Variants in HS3ST5 observed in about 807,000 individuals in gnomAD.
HS3ST5 encodes the protein heparan sulfate glucosamine 3-O-sulfotransferase 5.
HS3ST5 carries 10 observed loss-of-function variants against 25.4 expected under a neutral mutation model. That is an observed-to-expected ratio of 0.39 (90% confidence interval 0.24 to 0.67). HS3ST5 has a LOEUF of 0.67. HS3ST5 is among the 30% of genes least tolerant of loss of function. The pLI is 0.44. For missense variants in HS3ST5, 324 were observed against 420.7 expected (o/e 0.77, Z 2.01); for synonymous variants, 170 against 162.4 (o/e 1.05, Z -0.36).
At chr6:114,217,366 T>C (rs958023814) in intron 2 of HS3ST5, among the ~76,000 whole-genome samples, 2 of 152,202 alleles carry the variant, frequency 1.3e-5, no homozygotes, top group Non-Finnish European at 2.9e-5. Flanking sequence ...TATTAAACAA[T>C]CTCACTTGAA....
At chr6:114,338,936 C>T (rs1776717464) in intron 1 of HS3ST5, among the ~76,000 whole-genome samples, 1 of 151,938 alleles carries the variant, frequency 6.6e-6, no homozygotes, top group Non-Finnish European at 1.5e-5. Flanking sequence ...TTGAGCTCCC[C>T]TCACCAAAAA....
At chr6:114,158,351 T>C (rs777683017) in intron 3 of HS3ST5, among the ~76,000 whole-genome samples, 66 of 152,244 alleles carry the variant, frequency 4.3e-4, no homozygotes, top group Non-Finnish European at 8.8e-4. Flanking sequence ...GAATCTTTAG[T>C]ATCTTAGGCA....
chr6:114,319,903 G>A (rs180880173), intron 1 of HS3ST5, among the ~76,000 whole-genome samples: 5 of 152,064 alleles, frequency 3.3e-5, no homozygotes, highest in South Asian at 4.1e-4. Flanking sequence ...CCAATTGGGC[G>A]TAGAGCCTCA....
At chr6:114,123,283 A>C (rs1776881192) in intron 3 of HS3ST5, among the ~76,000 whole-genome samples, 1 of 152,166 alleles carries the variant, frequency 6.6e-6, no homozygotes, top group Non-Finnish European at 1.5e-5. Flanking sequence ...GCCCAGGCTC[A>C]ACACTCAAAG....
At chr6:114,256,287 C>T (rs1318451954) in intron 1 of HS3ST5, among the ~76,000 whole-genome samples, 1 of 151,542 alleles carries the variant, frequency 6.6e-6, no homozygotes, top group African/African-American at 2.4e-5. Context: ...ACCCGGGAGG[C>T]TGAGGCAGGA....
At chr6:114,068,677 TTTCATCAGAGCA>T (rs1398507272) in intron 3 of HS3ST5, among the ~76,000 whole-genome samples, 7 of 152,252 alleles carry the variant, frequency 4.6e-5, no homozygotes, top group African/African-American at 1.7e-4. Flanking sequence ...TTTAATAATC[TTTCATCAGAGCA>T]GTTATACTGG....
chr6:114,328,278 G>C (rs961518089), intron 1 of HS3ST5, among the ~76,000 whole-genome samples: 1 of 150,586 alleles, frequency 6.6e-6, no homozygotes, highest in Non-Finnish European at 1.5e-5. Flanking sequence ...AGGAAGGAAG[G>C]GTAGCGATAG....
intron 3 of HS3ST5, among the ~76,000 whole-genome samples, chr6:114,106,925 A>T (rs1301117163): frequency 6.6e-6 from 1 of 152,130 alleles, no homozygotes; most frequent in Non-Finnish European, 1.5e-5. Flanking sequence ...CTGATGCTAA[A>T]ATTAGAAGAC....
In HS3ST5 at chr6:114,240,036, C is replaced by CACT. The variant is rs1562249096; in HGVS notation, c.-338-11259_-338-11258insAGT. Among the ~76,000 whole-genome samples the CACT allele has an allele frequency of 2.6e-4, 30 of 114,902 alleles. No individual in the cohort carries two copies. The East Asian group carries it at 6.9e-3, about 26-fold the overall frequency. 75.4% of individuals were successfully genotyped at this position (114,902 alleles called of 152,430 possible). A position where few individuals can be genotyped will look rare whatever the true frequency, so the allele number is the denominator to read the frequency against. Reference sequence around the variant, plus strand: ...CACACACACACACACACACACACACCGCTTACTCTCTATTACACTGGCAAT... The same window carrying CACT: ...CACACACACACACACACACACACACCACTGCTTACTCTCTATTACACTGGCAAT... On this transcript the variant is annotated intron_variant, in intron 1 of 4. Coordinates refer to ENST00000312719, the MANE Select transcript of HS3ST5 (RefSeq NM_153612.4).
At chr6:114,132,305 G>C (rs1450205327) in intron 3 of HS3ST5, 2 of 152,152 alleles carry the variant, frequency 1.3e-5, no homozygotes, top group Non-Finnish European at 2.9e-5. Flanking sequence ...ATCAGCAAAT[G>C]CGATTTTGTT....
At chr6:114,303,459 T>C (rs993308093) in intron 1 of HS3ST5, among the ~76,000 whole-genome samples, 17 of 122,656 alleles carry the variant, frequency 1.4e-4, no homozygotes, top group African/African-American at 5.0e-4. Context: ...ATACTGTGTT[T>C]GCATTTTTTT....
intron 1 of HS3ST5, among the ~76,000 whole-genome samples, chr6:114,243,978 A>T (rs1772263210): frequency 6.6e-6 from 1 of 152,222 alleles, no homozygotes; most frequent in Non-Finnish European, 1.5e-5. Flanking sequence ...TAGGTAGAAT[A>T]GTAGAGGGTA....
At chr6:114,164,648 T>G (rs1266663982) in intron 3 of HS3ST5, among the ~76,000 whole-genome samples, 1 of 152,170 alleles carries the variant, frequency 6.6e-6, no homozygotes, top group Admixed American at 6.5e-5. Flanking sequence ...CTCATTTGGG[T>G]TAAAATACAA....
At chr6:114,218,889 C>T (rs1449589086) in intron 2 of HS3ST5, among the ~76,000 whole-genome samples, 8 of 152,146 alleles carry the variant, frequency 5.3e-5, no homozygotes, top group South Asian at 4.1e-4. Context: ...TAATTTATAA[C>T]GGTCATGTCA....
At chr6:114,236,650 G>T (rs543731572) in intron 1 of HS3ST5, among the ~76,000 whole-genome samples, 1 of 152,066 alleles carries the variant, frequency 6.6e-6, no homozygotes, top group South Asian at 2.1e-4. Context: ...TTGTGTGTGC[G>T]CAAAAGAGAA....
chr6:114,265,307 G>T (rs140494629), intron 1 of HS3ST5, among the ~76,000 whole-genome samples: 6 of 152,324 alleles, frequency 3.9e-5, no homozygotes, highest in African/African-American at 1.4e-4. Context: ...TAAAACACGT[G>T]TGTGGGGTTT....
chr6:114,262,364 G>C (rs568865565), intron 1 of HS3ST5, among the ~76,000 whole-genome samples: 1 of 152,254 alleles, frequency 6.6e-6, no homozygotes, highest in Non-Finnish European at 1.5e-5. Flanking sequence ...TGGCTAACAT[G>C]GTGAAATCCC....
intron 1 of HS3ST5, among the ~76,000 whole-genome samples, chr6:114,242,356 T>C (rs985084234): frequency 6.6e-6 from 1 of 152,202 alleles, no homozygotes; most frequent in Non-Finnish European, 1.5e-5. Flanking sequence ...TGACTCATGA[T>C]GTATTTCCAT....
chr6:114,092,732 A>G (rs1031326890), intron 3 of HS3ST5, among the ~76,000 whole-genome samples: 5 of 150,222 alleles, frequency 3.3e-5, no homozygotes, highest in African/African-American at 4.9e-5. Flanking sequence ...CTGGAGTGCA[A>G]TGGTGCGATC....
Sources: gnomAD v4.1 joint callset for allele counts (sites outside exome capture counted in the v4.1 genomes callset) on GRCh38, gnomAD v4.1.1 for gene constraint, MANE v1.5 for transcripts, NCBI Gene and HGNC (gene_info 2026-07-23, HGNC 2026-07-21) for gene names.